DDX56: variants seen among roughly 807,000 people sequenced by gnomAD.
The protein encoded by DDX56 is DEAD-box helicase 56, also known as probable ATP-dependent RNA helicase DDX56.
In DDX56, 45 loss-of-function variants were observed where a neutral mutation model predicts 61.5. The observed-to-expected ratio is 0.73, with a 90% CI of 0.58 to 0.94. DDX56 has a LOEUF of 0.94. DDX56 is among the 40% of genes least tolerant of loss of function. DDX56 has a pLI of 0.00. For synonymous variants in DDX56, 273 were observed against 268.3 expected, an observed-to-expected ratio of 1.02 and a Z score of -0.17; for missense variants, 708 against 690.7, an observed-to-expected ratio of 1.02 and a Z score of -0.28.
rs1360902933 is a variant in DDX56 at position 44,573,901 on chromosome 7, T to C, written c.-6A>G. The C allele has an allele frequency of 2.5e-6, 4 of 1,612,866 alleles. No individual in the cohort carries two copies. The highest frequency in any genetic ancestry group is 3.4e-6 in the Non-Finnish European group (4 of 1,179,912). ...AGTGCTTCAGAGTCCTCCATGGCGCTGCTCAGTAGCGCAGCACGCACGCGC... is the reference window on the plus strand; with the variant it reads ...AGTGCTTCAGAGTCCTCCATGGCGCCGCTCAGTAGCGCAGCACGCACGCGC... On this transcript the variant is annotated 5_prime_UTR_variant, in exon 1 of 14. Coordinates refer to ENST00000258772, the MANE Select transcript of DDX56 (RefSeq NM_019082.4).
chr7:44,567,226 T>C (rs541038336), intron 12 of DDX56, among the ~76,000 whole-genome samples: 1 of 152,200 alleles, frequency 6.6e-6, no homozygotes, highest in South Asian at 2.1e-4. Context: ...CTCTTCTGGA[T>C]CCTTCCTTTC....
In DDX56 at chr7:44,566,001, C is replaced by T. The variant is rs1312342228; in HGVS notation, c.*1G>A. On this transcript the variant is annotated 3_prime_UTR_variant, in exon 14 of 14. Transcript: ENST00000258772. Reference sequence around the variant, plus strand: ...CTCAGCTCCAGAGAGGCCCAACAACCTCAGGAGGGCTTGGCTGTGGGTCTG... The same window carrying T: ...CTCAGCTCCAGAGAGGCCCAACAACTTCAGGAGGGCTTGGCTGTGGGTCTG... The T allele has an allele frequency of 6.2e-7, 1 of 1,611,514 alleles. No individual in the cohort carries two copies. The highest frequency in any genetic ancestry group is 2.2e-5 in the East Asian group (1 of 44,868).
At chr7:44,572,275 C>T (rs1462141602) in intron 5 of DDX56, 72 bp downstream of exon 5, 41 of 1,325,368 alleles carry the variant, frequency 3.1e-5, no homozygotes, top group Non-Finnish European at 4.3e-5. Context: ...AAAGAATCCC[C>T]TAAGAAGGAG....
In DDX56 at chr7:44,567,947, A is replaced by G. The variant is rs1218978482; in HGVS notation, c.1489+171T>C. 3.3e-5 allele frequency among the ~76,000 whole-genome samples: 5 copies of G among 152,210 alleles called. No homozygotes were observed. The East Asian group carries it at 9.6e-4, about 29-fold the overall frequency. On this transcript the variant is annotated intron_variant, in intron 12 of 13. Transcript: ENST00000258772. ...GCTAACCCGTGGGACCAAGCAAACA[A>G]GTTTAGAAACACAGGGGTGTGCCTG...
rs1481396915 is a variant in DDX56, at chr7:44,572,937, A to C, written c.336T>G (p.Asp112Glu). ...IQQLATYCAR[D>E]VRVANVSAAE... ...CAGCTGAGACATTGGCCACTCGGAC[A>C]TCCCGAGCACAGTAGGTAGCCAGCT... is the stretch of plus-strand genomic sequence containing the variant. The change falls in exon 3 of 14, where the codon GAT becomes GAG. Residue 112 changes from aspartate to glutamate, a missense_variant. By Grantham distance (45) the Asp-to-Glu change is conservative. Transcript: ENST00000258772. The C allele has an allele frequency of 2.5e-6, 4 of 1,609,988 alleles. No individual in the cohort carries two copies. The highest frequency in any genetic ancestry group is 3.4e-6 in the Non-Finnish European group (4 of 1,177,938).
intron 7 of DDX56, among the ~76,000 whole-genome samples, 173 bp downstream of exon 7, chr7:44,570,585 C>T (rs538915108): frequency 1.3e-4 from 20 of 152,376 alleles, no homozygotes; most frequent in Admixed American, 5.2e-4. Context: ...ACCATCCACT[C>T]CCTTCTCTAT....
Position 44,568,958 on chromosome 7 carries a change from C to T in DDX56, c.1328G>A (p.Arg443Gln), listed in dbSNP as rs201628195. ...AMRSVTKQAI[R>Q]EARLKEIKEE... ...CTTGATCTCCTTCAATCTTGCCTCC[C>T]GAATGGCCTGCTTAGTCACTGAGCG... Residue 443 changes from arginine to glutamine, a missense_variant, in exon 11 of 14, where the codon CGG (arginine) becomes CAG (glutamine). Transcript: ENST00000258772. 24 of 1,614,000 alleles carry T rather than the reference C, an allele frequency of 1.5e-5. No homozygotes were observed. The highest frequency in any genetic ancestry group is 8.8e-5 in the South Asian group (8 of 91,094).
At position 44,573,903 on chromosome 7, in the gene DDX56, C is replaced by T; in HGVS notation, c.-8G>A. 2 of 1,612,910 alleles carry T rather than the reference C, an allele frequency of 1.2e-6. No homozygotes were observed. The highest frequency in any genetic ancestry group is 1.7e-6 in the Non-Finnish European group (2 of 1,179,876). On this transcript the variant is annotated 5_prime_UTR_variant, in exon 1 of 14. Transcript: ENST00000258772. Reference sequence around the variant, plus strand: ...TGCTTCAGAGTCCTCCATGGCGCTGCTCAGTAGCGCAGCACGCACGCGCTG... The same window carrying T: ...TGCTTCAGAGTCCTCCATGGCGCTGTTCAGTAGCGCAGCACGCACGCGCTG...
intron 11 of DDX56, among the ~76,000 whole-genome samples, chr7:44,568,643 G>A (rs952767835): frequency 6.6e-6 from 1 of 152,042 alleles, no homozygotes; most frequent in Non-Finnish European, 1.5e-5. Flanking sequence ...CCAGGATTAA[G>A]TTCCAGAAGT....
intron 11 of DDX56, among the ~76,000 whole-genome samples, 169 bp downstream of exon 11, chr7:44,568,734 A>T (rs934254961): frequency 6.6e-6 from 1 of 151,796 alleles, no homozygotes; most frequent in African/African-American, 2.4e-5. Flanking sequence ...TTTACCACCA[A>T]GCAGAACAGA....
In DDX56 at chr7:44,568,973, G is replaced by C. The variant is rs1202602101; in HGVS notation, c.1313C>G (p.Thr438Ser). The C allele has an allele frequency of 6.2e-7, 1 of 1,614,132 alleles. No individual in the cohort carries two copies. Among genetic ancestry groups the C allele is most frequent in the Non-Finnish European group, 8.5e-7 (1 of 1,180,050 alleles). ...TCTTGCCTCCCGAATGGCCTGCTTA[G>C]TCACTGAGCGCATGGCATCCTGGGG... is the stretch of plus-strand genomic sequence containing the variant. The part of the protein sequence containing the change: ...YRCRDAMRSV[T>S]KQAIREARLK... Residue 438 changes from threonine (T) to serine (S), a missense_variant, in exon 11 of 14, where the codon ACT becomes AGT. Physicochemically the swap from Thr to Ser is moderately conservative, Grantham distance 58 (BLOSUM62 1). Coordinates refer to ENST00000258772, the MANE Select transcript of DDX56 (RefSeq NM_019082.4).
Position 44,573,879 on chromosome 7 carries a change from G to A in DDX56, c.17C>T (p.Ala6Val). The A allele has an allele frequency of 6.2e-7, 1 of 1,613,250 alleles. No individual in the cohort carries two copies. Among genetic ancestry groups the A allele is most frequent in the Non-Finnish European group, 8.5e-7 (1 of 1,179,990 alleles). ...GAGGCCCATGTGTTCGAAGCCCAGT[G>A]CTTCAGAGTCCTCCATGGCGCTGCT... is the stretch of plus-strand genomic sequence containing the variant. MEDSE[A>V]LGFEHMGLDP... is the part of the protein sequence containing the mutation. Residue 6 changes from alanine (A) to valine (V), a missense_variant, in exon 1 of 14, where the codon GCA becomes GTA. By Grantham distance (64) the Ala-to-Val change is moderately conservative. Coordinates refer to ENST00000258772, the MANE Select transcript of DDX56 (RefSeq NM_019082.4).
At chr7:44,566,320 C>T (rs1427612318) in intron 13 of DDX56, 128 bp downstream of exon 13, 1 of 930,560 alleles carries the variant, frequency 1.1e-6, no homozygotes, top group Admixed American at 2.0e-5. Context: ...TCTAGGGTGC[C>T]CCCTCTTCCC....
chr7:44,566,400 C>G (rs1802536138), intron 13 of DDX56, 48 bp downstream of exon 13: 2 of 1,444,324 alleles, frequency 1.4e-6, no homozygotes. Flanking sequence ...GACAAAAGAG[C>G]AGGTTGGGAG....
chr7:44,567,417 A>G (rs1375160041), intron 12 of DDX56, among the ~76,000 whole-genome samples: 1 of 152,102 alleles, frequency 6.6e-6, no homozygotes, highest in East Asian at 1.9e-4. Context: ...CCTTCAATCC[A>G]TTTTAGGCAT....
At chr7:44,569,019 C>G (rs1350875776) in intron 10 of DDX56, 27 bp from the exon 11 acceptor site, 1 of 1,613,322 alleles carries the variant, frequency 6.2e-7, no homozygotes, top group Admixed American at 1.7e-5. Flanking sequence ...AAGGTCAAGA[C>G]AGTGAGGCTG....
rs979928447 is a variant in DDX56 at position 44,565,889 on chromosome 7, G to A, written c.*113C>T. The A allele has an allele frequency of 2.7e-5, 23 of 837,620 alleles. No individual in the cohort carries two copies. The East Asian group carries it at 5.2e-4, about 19-fold the overall frequency. The allele number at this position is 837,620 out of a possible 1,614,324, so 51.9% of individuals were successfully genotyped here. ...AGGAGCTAAAGGGCCCAGCACTGCCGGCCCCAGAACTGTCTGTTCAGGCTG... is the reference window on the plus strand; with the variant it reads ...AGGAGCTAAAGGGCCCAGCACTGCCAGCCCCAGAACTGTCTGTTCAGGCTG... On this transcript the variant is annotated 3_prime_UTR_variant, in exon 14 of 14. Transcript: ENST00000258772.
chr7:44,570,141 C>A lies in DDX56; in HGVS notation c.1011-13G>T. On this transcript the variant is annotated splice_polypyrimidine_tract_variant and intron_variant, in intron 7 of 13. Coordinates refer to ENST00000258772, the MANE Select transcript of DDX56 (RefSeq NM_019082.4). ...CGGATCAGAGGCCCTGCAGAGATAACTCAATGTCAGCCGGACCCTTCCTCT... is the reference window on the plus strand; with the variant it reads ...CGGATCAGAGGCCCTGCAGAGATAAATCAATGTCAGCCGGACCCTTCCTCT... The A allele has an allele frequency of 6.2e-7, 1 of 1,613,464 alleles. No individual in the cohort carries two copies. Among genetic ancestry groups the A allele is most frequent in the Non-Finnish European group, 8.5e-7 (1 of 1,179,950 alleles).
chr7:44,569,884 G>A lies in DDX56; in HGVS notation c.1144C>T (p.Pro382Ser). 1 of 1,611,200 alleles carries A rather than the reference G, an allele frequency of 6.2e-7. No individual in the cohort carries two copies. Among genetic ancestry groups the A allele is most frequent in the East Asian group, 2.2e-5 (1 of 44,872 alleles). Residue 382 changes from proline (P) to serine (S), a missense_variant, in exon 9 of 14, where the codon CCA becomes TCA. Coordinates refer to ENST00000258772, the MANE Select transcript of DDX56 (RefSeq NM_019082.4). ...RAGRTARANN[P>S]GIVLTFVLPT... ...AGCACAAAGGTTAAGACTATGCCTG[G>A]GTTGTTAGCGCGTGCTGTCCTGCAA...
Sources: gnomAD v4.1 joint callset for allele counts (sites outside exome capture counted in the v4.1 genomes callset) on GRCh38, gnomAD v4.1.1 for gene constraint, MANE v1.5 for transcripts, NCBI Gene and HGNC (gene_info 2026-07-23, HGNC 2026-07-21) for gene names.